The following GRB14 variants were observed in gnomAD, a reference collection of about 807,000 sequenced individuals.
The protein encoded by GRB14 is growth factor receptor-bound protein 14.
In GRB14, 38 loss-of-function variants were observed where a neutral mutation model predicts 69.1. That is an observed-to-expected ratio of 0.55 (90% CI 0.42 to 0.72). The LOEUF (loss-of-function observed/expected upper bound fraction) is 0.72, where lower values mean the gene tolerates loss of function less well. Ranked by LOEUF, GRB14 falls within the 30% of genes least tolerant of loss-of-function variation. GRB14 has a pLI of 0.00. For synonymous variants in GRB14, 247 were observed against 241.3 expected, an observed-to-expected ratio of 1.02 and a Z score of -0.22; for missense variants, 666 against 666.1, an observed-to-expected ratio of 1.00 and a Z score of 0.00.
intron 12 of GRB14, 152 bp from the exon 13 acceptor site, chr2:164,494,676 C>A (rs1281795407): frequency 3.0e-6 from 2 of 663,052 alleles, no homozygotes; most frequent in African/African-American, 1.8e-5. Flanking sequence ...ACTTGGCAAT[C>A]AATATGGTAT....
intron 2 of GRB14, among the ~76,000 whole-genome samples, chr2:164,565,231 T>C (rs1212388316): frequency 6.6e-6 from 1 of 152,138 alleles, no homozygotes; most frequent in Non-Finnish European, 1.5e-5. Flanking sequence ...CTTTATGTAA[T>C]GTGCCAATCT....
intron 2 of GRB14, among the ~76,000 whole-genome samples, chr2:164,570,982 A>G (rs1386204921): frequency 2.0e-5 from 3 of 152,192 alleles, no homozygotes; most frequent in Non-Finnish European, 4.4e-5. Flanking sequence ...TTTTGTGACT[A>G]TGTTATCAAA....
At chr2:164,509,379 GGAAA>G (rs1479752508) in intron 6 of GRB14, among the ~76,000 whole-genome samples, 3 of 152,140 alleles carry the variant, frequency 2.0e-5, no homozygotes, top group Non-Finnish European at 2.9e-5. Context: ...CTTTACAAAA[GGAAA>G]GAAAGAAAGT....
At chr2:164,522,456 C>T (rs1687659202) in intron 5 of GRB14, among the ~76,000 whole-genome samples, 1 of 152,074 alleles carries the variant, frequency 6.6e-6, no homozygotes, top group African/African-American at 2.4e-5. Flanking sequence ...TATCTAACTA[C>T]CAAAATTATC....
At chr2:164,565,046 A>G (rs1383505327) in intron 2 of GRB14, among the ~76,000 whole-genome samples, 1 of 152,024 alleles carries the variant, frequency 6.6e-6, no homozygotes, top group African/African-American at 2.4e-5. Flanking sequence ...ACAAACAAAA[A>G]ATGTTAATCT....
At chr2:164,516,799 G>A (rs770142319) in intron 6 of GRB14, among the ~76,000 whole-genome samples, 2 of 152,144 alleles carry the variant, frequency 1.3e-5, no homozygotes, top group African/African-American at 2.4e-5. Context: ...CGAGGTGGGT[G>A]GATCACTTGA....
intron 2 of GRB14, among the ~76,000 whole-genome samples, chr2:164,593,016 T>G (rs1352528500): frequency 6.6e-6 from 1 of 152,242 alleles, no homozygotes. Flanking sequence ...TACAAATTAC[T>G]TTATGTTACA....
intron 3 of GRB14, among the ~76,000 whole-genome samples, chr2:164,545,155 A>G (rs1688342278): frequency 6.6e-6 from 1 of 152,202 alleles, no homozygotes; most frequent in Non-Finnish European, 1.5e-5. Flanking sequence ...AACAAATTGA[A>G]GCAACTAATG....
rs1012897605 is a variant in GRB14 at position 164,492,852 on chromosome 2, T to C, written c.*184A>G. On this transcript the variant is annotated 3_prime_UTR_variant, in exon 14 of 14. Transcript: ENST00000263915. ...AGGTTTAATTTTAACTAATGAATTTTAAATGATGAATGTAAAGTCAATCCA... is the reference window on the plus strand; with the variant it reads ...AGGTTTAATTTTAACTAATGAATTTCAAATGATGAATGTAAAGTCAATCCA... The C allele has an allele frequency of 2.1e-6, 1 of 485,484 alleles. No individual in the cohort carries two copies. The highest frequency in any genetic ancestry group is 3.5e-6 in the Non-Finnish European group (1 of 283,612). The allele number at this position is 485,484 out of a possible 1,614,324, so 30.1% of individuals were successfully genotyped here. A position where few individuals can be genotyped will look rare whatever the true frequency, so the allele number is the denominator to read the frequency against.
intron 2 of GRB14, among the ~76,000 whole-genome samples, chr2:164,564,662 G>A (rs1386274257): frequency 6.6e-6 from 1 of 152,022 alleles, no homozygotes. Flanking sequence ...GTGTGCTTAT[G>A]AACATCTCCT....
chr2:164,548,872 C>CT (rs1233672538), intron 2 of GRB14, among the ~76,000 whole-genome samples: 2 of 151,892 alleles, frequency 1.3e-5, no homozygotes, highest in African/African-American at 2.4e-5. Context: ...AGGCCCTTTG[C>CT]TTTTTTTATT....
At chr2:164,537,939 T>C (rs1266860879) in intron 3 of GRB14, among the ~76,000 whole-genome samples, 1 of 151,700 alleles carries the variant, frequency 6.6e-6, no homozygotes, top group Non-Finnish European at 1.5e-5. Context: ...TGTTATAAAC[T>C]GCACAGGAAG....
chr2:164,562,618 A>G (rs562689294), intron 2 of GRB14, among the ~76,000 whole-genome samples: 13 of 152,352 alleles, frequency 8.5e-5, no homozygotes, highest in Non-Finnish European at 1.8e-4. Context: ...CTAGTAAAAC[A>G]TGCCATTTCA....
intron 3 of GRB14, among the ~76,000 whole-genome samples, chr2:164,528,924 G>A (rs951247473): frequency 1.3e-5 from 2 of 152,078 alleles, no homozygotes; most frequent in African/African-American, 4.8e-5. Context: ...CAAAAGAAGC[G>A]AAAGCAGGGA....
chr2:164,508,803 T>C lies in GRB14; in HGVS notation c.866A>G (p.Tyr289Cys), dbSNP rs770864299. 1.3e-6 allele frequency: 2 copies of C among 1,589,890 alleles called. No individual in the cohort carries two copies. The highest frequency in any genetic ancestry group is 2.4e-5 in the South Asian group (2 of 84,902). The change falls in exon 7 of 14, where the codon TAT becomes TGT. Residue 289 changes from tyrosine to cysteine, a missense_variant. Transcript: ENST00000263915. ...FFSEFGNSDI[Y>C]VSLAGKKKHG... ...TTTTTTTTTGCCTGCCAGTGACACA[T>C]AAATATCACTATTGCCAAATTCGCT...
intron 3 of GRB14, among the ~76,000 whole-genome samples, chr2:164,530,101 G>A (rs917068779): frequency 2.0e-5 from 3 of 152,138 alleles, no homozygotes; most frequent in Admixed American, 6.6e-5. Context: ...AAATACCTGA[G>A]GTTGGGTAAT....
At position 164,527,319 on chromosome 2, in the gene GRB14, T is replaced by G. The variant is rs375643930; in HGVS notation, c.482-184A>C. On this transcript the variant is annotated intron_variant, in intron 3 of 13. Coordinates refer to ENST00000263915, the MANE Select transcript of GRB14 (RefSeq NM_004490.3). ...TATGAGATAGCCAGATTGATAAAAT[T>G]TGTCATCAATTTTCAATTACTAATG... Among the ~76,000 whole-genome samples the G allele has an allele frequency of 2.0e-3, 298 of 150,670 alleles. 12 individuals carry two copies. The South Asian group carries it at 0.06, about 30-fold the overall frequency.
At chr2:164,573,649 T>C in intron 2 of GRB14, 3 of 1,551,986 alleles carry the variant, frequency 1.9e-6, no homozygotes, top group East Asian at 2.3e-5. Context: ...TTTCATCTTT[T>C]CTTTATGGTT....
intron 2 of GRB14, among the ~76,000 whole-genome samples, chr2:164,593,505 TTAA>T (rs1262437295): frequency 1.3e-5 from 2 of 152,256 alleles, no homozygotes; most frequent in African/African-American, 4.8e-5. Context: ...AGTTGTAAAC[TTAA>T]TATAAAGGCA....
Sources: allele counts gnomAD v4.1 joint callset (sites outside exome capture counted in the v4.1 genomes callset), GRCh38; gene constraint gnomAD v4.1.1; transcripts MANE v1.5; gene names NCBI Gene and HGNC (gene_info 2026-07-23, HGNC 2026-07-21).